EHBP1: variants seen among roughly 807,000 people sequenced by gnomAD.
EHBP1 encodes the protein EH domain-binding protein 1.
In EHBP1, 55 loss-of-function variants were observed where a neutral mutation model predicts 144.0. The observed-to-expected ratio is 0.38, with a 90% confidence interval of 0.31 to 0.48. EHBP1 has a LOEUF of 0.48. Ranked by LOEUF, EHBP1 falls within the 20% of genes least tolerant of loss-of-function variation. EHBP1 has a pLI of 0.98. For missense variants in EHBP1, 1,200 were observed against 1,364.2 expected, an observed-to-expected ratio of 0.88 and a Z score of 1.90; for synonymous variants, 469 against 472.7, an observed-to-expected ratio of 0.99 and a Z score of 0.10.
chr2:63,023,570 A>G (rs1023053298), intron 19 of EHBP1, among the ~76,000 whole-genome samples: 1 of 152,162 alleles, frequency 6.6e-6, no homozygotes, highest in Admixed American at 6.5e-5. Flanking sequence ...CTGGTTGTAG[A>G]CTGCTCTTCT....
intron 13 of EHBP1, among the ~76,000 whole-genome samples, chr2:62,953,645 A>AG (rs1258957003): frequency 2.6e-5 from 4 of 152,242 alleles, no homozygotes; most frequent in South Asian, 2.1e-4. Context: ...AGTGAAAAAA[A>AG]AAGCATGATT....
At chr2:62,785,596 GAA>G (rs1223361156) in intron 5 of EHBP1, among the ~76,000 whole-genome samples, 1 of 152,114 alleles carries the variant, frequency 6.6e-6, no homozygotes, top group African/African-American at 2.4e-5. Flanking sequence ...TGTGGCGGGG[GAA>G]AGATATCCAG....
At chr2:62,771,461 G>A in intron 5 of EHBP1, 69 bp downstream of exon 5, 1 of 1,194,650 alleles carries the variant, frequency 8.4e-7, no homozygotes, top group Non-Finnish European at 1.2e-6. Flanking sequence ...AAGGTACATT[G>A]GCATTTTGGT....
chr2:62,695,175 T>C (rs1323572363), intron 1 of EHBP1, among the ~76,000 whole-genome samples: 2 of 152,052 alleles, frequency 1.3e-5, no homozygotes, highest in African/African-American at 2.4e-5. Flanking sequence ...CCTGGCAACA[T>C]TGGCAAAACT....
intron 3 of EHBP1, among the ~76,000 whole-genome samples, chr2:62,753,027 A>T (rs1204374648): frequency 6.6e-6 from 1 of 152,234 alleles, no homozygotes; most frequent in African/African-American, 2.4e-5. Context: ...GTTATGTGTG[A>T]ATTTGATCCT....
chr2:62,764,157 A>G, intron 3 of EHBP1, 109 bp from the exon 4 acceptor site: 1 of 761,354 alleles, frequency 1.3e-6, no homozygotes, highest in Non-Finnish European at 2.0e-6. Context: ...GTAAATTACT[A>G]ACATTGCATT....
At chr2:62,749,988 T>C (rs1205518708) in intron 3 of EHBP1, among the ~76,000 whole-genome samples, 1 of 152,232 alleles carries the variant, frequency 6.6e-6, no homozygotes, top group African/African-American at 2.4e-5. Flanking sequence ...TTTAGTTTAA[T>C]TAAGTACCAT....
rs748077572 is a variant in EHBP1 at position 63,039,142 on chromosome 2, C to T, written c.3277+326C>T. Among the ~76,000 whole-genome samples, 8 of 152,128 alleles carry T rather than the reference C, an allele frequency of 5.3e-5. No individual in the cohort carries two copies. In the South Asian group the frequency reaches 8.3e-4, roughly 16 times the overall value. On this transcript the variant is annotated intron_variant, in intron 21 of 22. Coordinates refer to ENST00000431489, the MANE Select transcript of EHBP1 (RefSeq NM_001142616.3). The stretch of plus-strand genomic sequence containing the variant: ...TAAGTGTGATTTAAAGTTGTTTCCA[C>T]TCGGGAGGTTTGGAAAAGATTTATC...
intron 4 of EHBP1, among the ~76,000 whole-genome samples, chr2:62,766,955 C>T (rs1054493388): frequency 2.3e-4 from 26 of 115,206 alleles, no homozygotes; most frequent in Non-Finnish European, 3.4e-4. Context: ...AAGTGTGCTT[C>T]ATTAAAAAAA....
chr2:62,885,055 T>C (rs2051810146), intron 10 of EHBP1, among the ~76,000 whole-genome samples: 2 of 152,320 alleles, frequency 1.3e-5, no homozygotes, highest in South Asian at 4.1e-4. Context: ...AGTTGAATAA[T>C]AAAAAATTAC....
At chr2:62,879,273 A>C (rs2051160700) in intron 10 of EHBP1, among the ~76,000 whole-genome samples, 1 of 152,150 alleles carries the variant, frequency 6.6e-6, no homozygotes, top group Non-Finnish European at 1.5e-5. Context: ...TCAACATAGT[A>C]CTGGAAGTCC....
chr2:63,013,562 C>T (rs1019921752), intron 19 of EHBP1, among the ~76,000 whole-genome samples: 10 of 152,128 alleles, frequency 6.6e-5, no homozygotes, highest in African/African-American at 2.4e-4. Flanking sequence ...AGCTTACCAC[C>T]GGTAGCTTTC....
Position 62,948,932 on chromosome 2 carries a change from A to G in EHBP1, c.2086A>G (p.Asn696Asp). 1 of 1,614,090 alleles carries G rather than the reference A, an allele frequency of 6.2e-7. No individual in the cohort carries two copies. The highest frequency in any genetic ancestry group is 8.5e-7 in the Non-Finnish European group (1 of 1,179,978). The change falls in exon 13 of 23, where the codon AAC becomes GAC. Residue 696 changes from asparagine (N) to aspartate (D), a missense_variant. Around this residue, in one of 6 missense-constraint regions of EHBP1, gnomAD observed 543 missense variants for 513.1 expected, o/e 1.06. Transcript: ENST00000431489. ...QKLQTLDIGS[N>D]LEKEKLENSR... ...GCTTCAAACTCTAGACATCGGTAGT[A>G]ACTTGGAGAAAGAAAAATTAGAGAA...
At chr2:63,015,203 G>C (rs959145504) in intron 19 of EHBP1, among the ~76,000 whole-genome samples, 3 of 151,882 alleles carry the variant, frequency 2.0e-5, no homozygotes, top group Admixed American at 6.6e-5. Flanking sequence ...CATTGTACTT[G>C]GTTCACATGA....
intron 7 of EHBP1, among the ~76,000 whole-genome samples, chr2:62,855,091 G>T (rs979984244): frequency 6.6e-6 from 1 of 152,176 alleles, no homozygotes; most frequent in Non-Finnish European, 1.5e-5. Context: ...CCCAAACGGC[G>T]GCTGCAGACC....
intron 2 of EHBP1, among the ~76,000 whole-genome samples, chr2:62,731,649 A>G (rs975695549): frequency 1.3e-5 from 2 of 152,230 alleles, no homozygotes; most frequent in Non-Finnish European, 2.9e-5. Flanking sequence ...ATCTAATGAT[A>G]TAATCATATA....
intron 10 of EHBP1, among the ~76,000 whole-genome samples, chr2:62,931,494 A>C (rs1207724445): frequency 6.6e-6 from 1 of 152,210 alleles, no homozygotes; most frequent in Non-Finnish European, 1.5e-5. Context: ...CAAAAAAATT[A>C]AAAATAGAGT....
rs1045402995 is a variant in EHBP1 at position 62,957,370 on chromosome 2, G to A, written c.2460+1710G>A. On this transcript the variant is annotated intron_variant, in intron 14 of 22. Coordinates refer to ENST00000431489, the MANE Select transcript of EHBP1 (RefSeq NM_001142616.3). The stretch of plus-strand genomic sequence containing the variant: ...TATTACTTTATTAATGTGCTAAAAT[G>A]TACATATAAAAAGCCTATAGCAAAC... 9.2e-5 allele frequency among the ~76,000 whole-genome samples: 14 copies of A among 152,110 alleles called. No individual in the cohort carries two copies. In the South Asian group the frequency reaches 2.3e-3, roughly 25 times the overall value.
intron 3 of EHBP1, among the ~76,000 whole-genome samples, chr2:62,763,963 ACAT>A (rs1244373319): frequency 6.6e-6 from 1 of 152,074 alleles, no homozygotes; most frequent in East Asian, 1.9e-4. Flanking sequence ...AAAACATGAG[ACAT>A]CATGTTTTCA....
Sources: allele counts gnomAD v4.1 joint callset (sites outside exome capture counted in the v4.1 genomes callset), GRCh38; gene constraint gnomAD v4.1.1; regional missense constraint gnomAD v4.1.1; transcripts MANE v1.5; gene names NCBI Gene and HGNC (gene_info 2026-07-23, HGNC 2026-07-21).